CENPP: variants seen among roughly 807,000 people sequenced by gnomAD.
The protein encoded by CENPP is centromere protein P.
CENPP carries 24 observed loss-of-function variants against 35.6 expected under a neutral mutation model. That is an observed-to-expected ratio of 0.67 (90% confidence interval 0.49 to 0.95). CENPP has a LOEUF of 0.95. Among genes scored for constraint, CENPP ranks in the 40% least tolerant of loss-of-function variants. The pLI is 0.00. For synonymous variants in CENPP, 120 were observed against 125.5 expected, an observed-to-expected ratio of 0.96 and a Z score of 0.29; for missense variants, 332 against 345.3, an observed-to-expected ratio of 0.96 and a Z score of 0.31.
chr9:92,420,770 C>G (rs1843767831), intron 5 of CENPP, among the ~76,000 whole-genome samples: 1 of 150,992 alleles, frequency 6.6e-6, no homozygotes. Context: ...TTTTTTTTAA[C>G]AATATGTGCT....
At chr9:92,601,552 T>C (rs1348751533) in intron 5 of CENPP, among the ~76,000 whole-genome samples, 1 of 152,194 alleles carries the variant, frequency 6.6e-6, no homozygotes, top group Admixed American at 6.5e-5. Flanking sequence ...CCAGCCCTCA[T>C]TTAAACGCCA....
At chr9:92,577,302 C>T (rs1340851171) in intron 5 of CENPP, among the ~76,000 whole-genome samples, 4 of 152,074 alleles carry the variant, frequency 2.6e-5, no homozygotes, top group Non-Finnish European at 5.9e-5. Context: ...TCACTTGAGG[C>T]CAGGAGTTCA....
At chr9:92,373,693 G>T (rs2130857206) in intron 4 of CENPP, among the ~76,000 whole-genome samples, 1 of 152,158 alleles carries the variant, frequency 6.6e-6, no homozygotes, top group African/African-American at 2.4e-5. Context: ...GGGCGTGGTG[G>T]TGCGTGCCTG....
chr9:92,371,538 G>C (rs1290614461), intron 4 of CENPP, among the ~76,000 whole-genome samples: 1 of 152,108 alleles, frequency 6.6e-6, no homozygotes, highest in African/African-American at 2.4e-5. Flanking sequence ...CATGTGGTCT[G>C]TCCTGTAGAA....
intron 1 of CENPP, among the ~76,000 whole-genome samples, chr9:92,327,060 G>A (rs1295917456): frequency 6.6e-6 from 1 of 152,204 alleles, no homozygotes; most frequent in Admixed American, 6.5e-5. Flanking sequence ...GCTATTTGAG[G>A]TGTGCTCCAC....
At chr9:92,581,215 G>T (rs1042603893) in intron 5 of CENPP, among the ~76,000 whole-genome samples, 11 of 152,104 alleles carry the variant, frequency 7.2e-5, no homozygotes, top group Admixed American at 2.6e-4. Flanking sequence ...TACTTTAGCA[G>T]AAAACGAGAG....
chr9:92,371,404 T>C (rs1384293395), intron 4 of CENPP, among the ~76,000 whole-genome samples: 2 of 152,218 alleles, frequency 1.3e-5, no homozygotes, highest in African/African-American at 4.8e-5. Flanking sequence ...TTAATTTCCA[T>C]GTATGTGTAT....
chr9:92,511,613 C>T (rs1847349593), intron 5 of CENPP, among the ~76,000 whole-genome samples: 2 of 152,004 alleles, frequency 1.3e-5, no homozygotes, highest in South Asian at 4.1e-4. Flanking sequence ...GTTGATTGCA[C>T]ACACAAAAAA....
chr9:92,381,285 CT>C (rs200993869), intron 5 of CENPP, among the ~76,000 whole-genome samples: 52,353 of 136,248 alleles, frequency 0.38, 10,850 homozygotes, highest in African/African-American at 0.64. Flanking sequence ...GATTTCTTTT[CT>C]TTTTTTTTTT....
At chr9:92,481,435 T>C (rs974665973) in intron 5 of CENPP, among the ~76,000 whole-genome samples, 6 of 152,194 alleles carry the variant, frequency 3.9e-5, no homozygotes, top group African/African-American at 1.4e-4. Context: ...TCAGGTTCTT[T>C]ATGACTCAGT....
chr9:92,596,472 A>G (rs1460106577), intron 5 of CENPP, among the ~76,000 whole-genome samples: 1 of 140,830 alleles, frequency 7.1e-6, no homozygotes, highest in Non-Finnish European at 1.6e-5. Flanking sequence ...AAAAAAAAAG[A>G]AAGAATAGAA....
chr9:92,329,002 C>A (rs939204335), intron 1 of CENPP, among the ~76,000 whole-genome samples: 1 of 152,146 alleles, frequency 6.6e-6, no homozygotes, highest in African/African-American at 2.4e-5. Context: ...CTATTAAACA[C>A]GAACTCCCTA....
intron 3 of CENPP, 69 bp downstream of exon 3, chr9:92,337,698 G>A (rs1263813153): frequency 3.1e-6 from 3 of 964,068 alleles, no homozygotes; most frequent in East Asian, 2.4e-5. Context: ...CCACACCCCA[G>A]CCTTCAACAG....
intron 5 of CENPP, among the ~76,000 whole-genome samples, chr9:92,521,802 T>C (rs1019032714): frequency 4.6e-5 from 7 of 152,316 alleles, no homozygotes; most frequent in African/African-American, 1.7e-4. Flanking sequence ...TGAAAATATG[T>C]AATAGCCATA....
intron 5 of CENPP, chr9:92,517,791 C>G: frequency 1.2e-6 from 2 of 1,614,198 alleles, no homozygotes; most frequent in Non-Finnish European, 1.7e-6. Flanking sequence ...TCCATCTGAG[C>G]AGAGGCAGGT....
chr9:92,457,347 C>G (rs765066997), intron 5 of CENPP: 1 of 1,614,042 alleles, frequency 6.2e-7, no homozygotes, highest in Non-Finnish European at 8.5e-7. Flanking sequence ...CGAAATGTTG[C>G]AGGTTGCATT....
chr9:92,562,545 C>T (rs1455517923), intron 5 of CENPP, among the ~76,000 whole-genome samples: 8 of 152,072 alleles, frequency 5.3e-5, no homozygotes, highest in Non-Finnish European at 1.0e-4. Flanking sequence ...TTAGAGATTT[C>T]ATAGGTTGTT....
intron 5 of CENPP, among the ~76,000 whole-genome samples, chr9:92,590,060 CA>C (rs1358627506): frequency 1.3e-5 from 2 of 152,174 alleles, no homozygotes; most frequent in African/African-American, 4.8e-5. Context: ...CATTCACATA[CA>C]AAGGATGTGG....
At chr9:92,529,443 T>C (rs1175231885) in intron 5 of CENPP, among the ~76,000 whole-genome samples, 1 of 152,180 alleles carries the variant, frequency 6.6e-6, no homozygotes, top group Non-Finnish European at 1.5e-5. Context: ...AACCCAGCAA[T>C]CGTGCCCCTT....
Sources: gnomAD v4.1 joint callset for allele counts (sites outside exome capture counted in the v4.1 genomes callset) on GRCh38, gnomAD v4.1.1 for gene constraint, MANE v1.5 for transcripts, NCBI Gene and HGNC (gene_info 2026-07-23, HGNC 2026-07-21) for gene names.